PLPP4: variants seen among roughly 807,000 people sequenced by gnomAD.
The protein encoded by PLPP4 is diacylglycerol pyrophosphate like 2.
Under a neutral mutation model 32.2 loss-of-function variants are expected in PLPP4, and 20 were observed. The observed-to-expected ratio is 0.62, with a 90% confidence interval of 0.44 to 0.90. The LOEUF (loss-of-function observed/expected upper bound fraction) is 0.90. PLPP4 is among the 40% of genes least tolerant of loss of function. PLPP4 has a pLI of 0.00. For synonymous variants in PLPP4, 127 were observed against 133.0 expected (o/e 0.95, Z 0.31); for missense variants, 257 against 353.1 (o/e 0.73, Z 2.18).
chr10:120,566,292 T>C (rs1848686728), intron 5 of PLPP4, among the ~76,000 whole-genome samples: 1 of 152,324 alleles, frequency 6.6e-6, no homozygotes, highest in Non-Finnish European at 1.5e-5. Context: ...CTTTGATGTC[T>C]GGGTTGAAGT....
chr10:120,534,801 A>G (rs1438131665), intron 5 of PLPP4, among the ~76,000 whole-genome samples: 1 of 151,954 alleles, frequency 6.6e-6, no homozygotes, highest in Non-Finnish European at 1.5e-5. Context: ...TCTCTTTTAT[A>G]ATTTGTGTCT....
At chr10:120,564,326 T>C (rs181965313) in intron 5 of PLPP4, among the ~76,000 whole-genome samples, 45 of 152,154 alleles carry the variant, frequency 3.0e-4, no homozygotes, top group Non-Finnish European at 6.0e-4. Flanking sequence ...TATGGTCAGA[T>C]AGAGATCTAT....
intron 5 of PLPP4, among the ~76,000 whole-genome samples, chr10:120,547,020 A>G (rs1847657150): frequency 6.6e-6 from 1 of 151,636 alleles, no homozygotes; most frequent in African/African-American, 2.4e-5. Context: ...TGTATGTTCA[A>G]TGTTTTACTA....
Position 120,590,629 on chromosome 10 carries a change from G to A in PLPP4, c.*1127G>A, listed in dbSNP as rs977695308. 2.6e-5 allele frequency among the ~76,000 whole-genome samples: 4 copies of A among 152,134 alleles called. No homozygotes were observed. Among genetic ancestry groups the A allele is most frequent in the Non-Finnish European group, 4.4e-5 (3 of 68,044 alleles). ...CTTTTTCAGTCTGAGTATAGAGCAC[G>A]CTGCTCCTTGGCCAGCTAGTTTTTT... On this transcript the variant is annotated 3_prime_UTR_variant, in exon 7 of 7. Transcript: ENST00000398250.
chr10:120,459,584 G>A (rs1403958834), intron 1 of PLPP4, among the ~76,000 whole-genome samples: 2 of 152,208 alleles, frequency 1.3e-5, no homozygotes, highest in Non-Finnish European at 2.9e-5. Context: ...CTCTGCTCAC[G>A]AAGATGGTGG....
At chr10:120,503,561 A>G (rs767508297) in intron 1 of PLPP4, 3 of 1,606,822 alleles carry the variant, frequency 1.9e-6, no homozygotes, top group Admixed American at 1.7e-5. Context: ...GTCTTTGTAC[A>G]CACAAAGCTA....
chr10:120,503,602 C>T (rs1462839208), intron 1 of PLPP4: 1 of 1,610,056 alleles, frequency 6.2e-7, no homozygotes, highest in Admixed American at 1.7e-5. Flanking sequence ...GTCCTTCTGG[C>T]AGGTAGTGAT....
chr10:120,463,310 G>A (rs1044620959), intron 1 of PLPP4, among the ~76,000 whole-genome samples: 1 of 152,274 alleles, frequency 6.6e-6, no homozygotes, highest in Admixed American at 6.5e-5. Flanking sequence ...ACAGGCGTGA[G>A]CCACCGTGCC....
At chr10:120,477,116 A>G (rs1564782819) in intron 1 of PLPP4, among the ~76,000 whole-genome samples, 2 of 152,148 alleles carry the variant, frequency 1.3e-5, no homozygotes, top group Admixed American at 6.5e-5. Flanking sequence ...CAATGTAAAA[A>G]ACATCAAGAG....
chr10:120,530,328 T>TTG (rs957453736), intron 5 of PLPP4, among the ~76,000 whole-genome samples: 1 of 152,092 alleles, frequency 6.6e-6, no homozygotes, highest in African/African-American at 2.4e-5. Flanking sequence ...CAGGGTTTTT[T>TTG]TTTGTTTGTT....
At chr10:120,544,783 G>A (rs1321763818) in intron 5 of PLPP4, among the ~76,000 whole-genome samples, 2 of 152,232 alleles carry the variant, frequency 1.3e-5, no homozygotes, top group African/African-American at 2.4e-5. Flanking sequence ...AAAACCTAGG[G>A]AAACTTTTGA....
At chr10:120,500,438 A>G (rs902405944) in intron 1 of PLPP4, among the ~76,000 whole-genome samples, 3 of 152,066 alleles carry the variant, frequency 2.0e-5, no homozygotes, top group African/African-American at 7.2e-5. Flanking sequence ...CTGCTTTTCT[A>G]TAGTAAGAAC....
chr10:120,586,432 TA>T (rs1443369835), intron 6 of PLPP4, among the ~76,000 whole-genome samples: 2 of 152,088 alleles, frequency 1.3e-5, no homozygotes, highest in Admixed American at 6.5e-5. Context: ...ACCTATTTTC[TA>T]AATGCACCTT....
chr10:120,461,835 A>G (rs1162555664), intron 1 of PLPP4, among the ~76,000 whole-genome samples: 1 of 152,232 alleles, frequency 6.6e-6, no homozygotes, highest in Non-Finnish European at 1.5e-5. Context: ...AGCATTTGTG[A>G]TAGTCATTTC....
intron 2 of PLPP4, among the ~76,000 whole-genome samples, chr10:120,504,347 T>C (rs1301192886): frequency 6.6e-6 from 1 of 152,148 alleles, no homozygotes; most frequent in African/African-American, 2.4e-5. Flanking sequence ...TCTAAACTAA[T>C]ACCCGATTGG....
intron 1 of PLPP4, among the ~76,000 whole-genome samples, chr10:120,470,539 T>C (rs1376560932): frequency 6.6e-6 from 1 of 152,204 alleles, no homozygotes; most frequent in Admixed American, 6.5e-5. Context: ...TATTATCGAG[T>C]ATTTTACACT....
At chr10:120,564,135 C>T (rs1589889997) in intron 5 of PLPP4, among the ~76,000 whole-genome samples, 2 of 151,916 alleles carry the variant, frequency 1.3e-5, no homozygotes, top group South Asian at 2.1e-4. Context: ...TTAAATGTTG[C>T]ATTAGCTATA....
At chr10:120,588,533 C>T (rs1849868117) in intron 6 of PLPP4, among the ~76,000 whole-genome samples, 1 of 152,164 alleles carries the variant, frequency 6.6e-6, no homozygotes, top group Admixed American at 6.5e-5. Flanking sequence ...AACCACTTAC[C>T]ATGAGGCAGA....
intron 6 of PLPP4, among the ~76,000 whole-genome samples, chr10:120,583,824 C>T (rs1358134220): frequency 6.6e-6 from 1 of 152,104 alleles, no homozygotes; most frequent in Non-Finnish European, 1.5e-5. Context: ...AATGAAACAT[C>T]CCAGAGTCCT....
Sources: gnomAD v4.1 joint callset for allele counts (sites outside exome capture counted in the v4.1 genomes callset) on GRCh38, gnomAD v4.1.1 for gene constraint, MANE v1.5 for transcripts, NCBI Gene and HGNC (gene_info 2026-07-23, HGNC 2026-07-21) for gene names.